The following SLC1A3 variants were observed in gnomAD, a reference collection of about 807,000 sequenced individuals.
SLC1A3 encodes the protein excitatory amino acid transporter 1.
In SLC1A3, 21 loss-of-function variants were observed where a neutral mutation model predicts 48.1. That is an observed-to-expected ratio of 0.44 (90% CI 0.31 to 0.63). The LOEUF (loss-of-function observed/expected upper bound fraction) is 0.63, where lower values mean the gene tolerates loss of function less well. SLC1A3 is among the 20% of genes least tolerant of loss of function. The probability of loss-of-function intolerance (pLI) is 0.08; values close to 1 mark genes in which losing one functional copy is unlikely to be tolerated. For synonymous variants in SLC1A3, 239 were observed against 251.4 expected (o/e 0.95, Z 0.47); for missense variants, 546 against 689.0 (o/e 0.79, Z 2.32).
intron 3 of SLC1A3, among the ~76,000 whole-genome samples, chr5:36,667,506 A>T (rs548109782): frequency 6.6e-6 from 1 of 152,324 alleles, no homozygotes; most frequent in Non-Finnish European, 1.5e-5. Flanking sequence ...TCTCTTGGAA[A>T]TGTGGGTTCA....
intron 3 of SLC1A3, among the ~76,000 whole-genome samples, chr5:36,650,202 A>T (rs753580356): frequency 6.6e-6 from 1 of 152,162 alleles, no homozygotes; most frequent in Non-Finnish European, 1.5e-5. Flanking sequence ...GTGAGGGTGG[A>T]AGTCCTCTCT....
intron 2 of SLC1A3, among the ~76,000 whole-genome samples, chr5:36,609,642 G>A (rs1043147308): frequency 6.6e-6 from 1 of 152,134 alleles, no homozygotes; most frequent in Non-Finnish European, 1.5e-5. Context: ...AAGTATAGCA[G>A]GAGAGTTTGT....
intron 2 of SLC1A3, among the ~76,000 whole-genome samples, chr5:36,616,208 A>C (rs895476315): frequency 5.3e-5 from 8 of 152,092 alleles, no homozygotes; most frequent in Admixed American, 5.2e-4. Context: ...AAAAAAGATG[A>C]GTTTTATGTC....
chr5:36,606,487 T>A (rs191108891), upstream of SLC1A3: 1 of 152,276 alleles, frequency 6.6e-6, no homozygotes, highest in African/African-American at 2.4e-5. Flanking sequence ...TTAATCAATA[T>A]TCCAGAAACC....
chr5:36,613,782 A>C (rs1285092572), intron 2 of SLC1A3, among the ~76,000 whole-genome samples: 1 of 152,248 alleles, frequency 6.6e-6, no homozygotes, highest in African/African-American at 2.4e-5. Flanking sequence ...GGAGAGGAGG[A>C]GGAGGAAGCT....
rs534089504 is a variant in SLC1A3 at position 36,645,725 on chromosome 5, C to T, written c.319+16138C>T. ...TCAGTAATTTTGGGGTTGTTTCATTCGTCTTTATTTGGACGAGGTTAAAAT... is the reference window on the plus strand; with the variant it reads ...TCAGTAATTTTGGGGTTGTTTCATTTGTCTTTATTTGGACGAGGTTAAAAT... On this transcript the variant is annotated intron_variant, in intron 3 of 9. Coordinates refer to ENST00000265113, the MANE Select transcript of SLC1A3 (RefSeq NM_004172.5). 3.3e-5 allele frequency among the ~76,000 whole-genome samples: 5 copies of T among 152,252 alleles called. No individual in the cohort carries two copies. The East Asian group carries it at 5.8e-4, about 18-fold the overall frequency.
At chr5:36,643,415 A>C (rs1740698851) in intron 3 of SLC1A3, among the ~76,000 whole-genome samples, 1 of 152,206 alleles carries the variant, frequency 6.6e-6, no homozygotes, top group South Asian at 2.1e-4. Context: ...CTGAAGGCTA[A>C]TAATGTCAAG....
At chr5:36,624,923 A>G (rs116364820) in intron 2 of SLC1A3, among the ~76,000 whole-genome samples, 1,770 of 152,308 alleles carry the variant, frequency 0.012, 44 homozygotes, top group African/African-American at 0.04. Flanking sequence ...AGGAGATCCA[A>G]GGTTATTTCT....
upstream of SLC1A3, among the ~76,000 whole-genome samples, chr5:36,602,724 G>C (rs137947809): frequency 1.7e-3 from 252 of 152,210 alleles, 1 homozygote; most frequent in African/African-American, 5.6e-3. Context: ...GAATCTATTT[G>C]GGGGGGTTCC....
chr5:36,640,781 T>A (rs1188257582), intron 3 of SLC1A3, among the ~76,000 whole-genome samples: 1 of 152,162 alleles, frequency 6.6e-6, no homozygotes, highest in African/African-American at 2.4e-5. Flanking sequence ...AACCCCTATA[T>A]ATAAAACCAC....
chr5:36,664,352 C>T (rs10223091), intron 3 of SLC1A3, among the ~76,000 whole-genome samples: 121 of 152,194 alleles, frequency 8.0e-4, no homozygotes, highest in African/African-American at 2.8e-3. Context: ...AGGCTGGTCT[C>T]GAACTCCTGA....
chr5:36,622,732 C>T (rs1304468723), intron 2 of SLC1A3, among the ~76,000 whole-genome samples: 1 of 152,070 alleles, frequency 6.6e-6, no homozygotes, highest in Non-Finnish European at 1.5e-5. Flanking sequence ...TTGTTGTTGG[C>T]CGGGCGCATT....
At chr5:36,599,100 A>G (rs1271904975) in intron 1 of SLC1A3, among the ~76,000 whole-genome samples, 1 of 152,200 alleles carries the variant, frequency 6.6e-6, no homozygotes, top group African/African-American at 2.4e-5. Flanking sequence ...TACTAACTCT[A>G]TTCAAGTGCT....
chr5:36,628,047 C>A (rs1237284219), intron 2 of SLC1A3, among the ~76,000 whole-genome samples: 1 of 152,162 alleles, frequency 6.6e-6, no homozygotes, highest in Admixed American at 6.5e-5. Context: ...GTGATACAAA[C>A]AATATGGGCA....
rs1667227605 is a variant in SLC1A3 at position 36,654,534 on chromosome 5, T to G, written c.320-16495T>G. ...ATAACACTTCTAAAGGGGCACAGAC[T>G]CCATAAGACTGTGGATGCCGATACA... On this transcript the variant is annotated intron_variant, in intron 3 of 9. Transcript: ENST00000265113. Among the ~76,000 whole-genome samples the G allele has an allele frequency of 3.9e-5, 6 of 152,152 alleles. No homozygotes were observed. The South Asian group carries it at 1.2e-3, about 32-fold the overall frequency.
intron 3 of SLC1A3, among the ~76,000 whole-genome samples, chr5:36,633,751 G>T (rs1180960194): frequency 1.3e-5 from 2 of 152,098 alleles, no homozygotes; most frequent in African/African-American, 4.8e-5. Flanking sequence ...CCATCCTAAA[G>T]TCAACTAGCC....
In SLC1A3 at chr5:36,679,757, A is replaced by G. The variant is rs559402074; in HGVS notation, c.991A>G (p.Ile331Val). Residue 331 changes from isoleucine to valine, a missense_variant, in exon 7 of 10, where the codon ATC becomes GTC. This residue lies in a region of SLC1A3 where 142 missense variants were observed against 238.0 expected (regional missense o/e 0.60). Coordinates refer to ENST00000265113, the MANE Select transcript of SLC1A3 (RefSeq NM_004172.5). Reference protein sequence around the residue: ...VIVGLLIHAVIVLPLLYFLVT... With the variant: ...VIVGLLIHAVVVLPLLYFLVT... ...TGTTGGCTTACTCATTCACGCAGTC[A>G]TCGTCTTGCCACTCCTCTACTTCTT... The G allele has an allele frequency of 1.3e-5, 21 of 1,614,200 alleles. No homozygotes were observed. The East Asian group carries it at 4.2e-4, about 33-fold the overall frequency.
Position 36,671,073 on chromosome 5 carries a change from C to T in SLC1A3, c.364C>T (p.Arg122Ter). ...TAAGGCATCAGGGAAGATGGGAATG[C>T]GAGCTGTAGTCTATTATATGACTAC... ...DSKASGKMGMRAVVYYMTTTI... is the reference protein window; with the variant it reads ...DSKASGKMGM Residue 122 changes from arginine (R) to a stop codon, truncating the protein, a stop_gained, in exon 4 of 10, where the codon CGA becomes TGA. Transcript: ENST00000265113. LOFTEE classifies it high-confidence loss of function. 3 of 1,613,948 alleles carry T rather than the reference C, an allele frequency of 1.9e-6. No homozygotes were observed. The highest frequency in any genetic ancestry group is 1.7e-6 in the Non-Finnish European group (2 of 1,179,854).
At chr5:36,629,696 CT>C in intron 3 of SLC1A3, 109 bp downstream of exon 3, 1 of 873,712 alleles carries the variant, frequency 1.1e-6, no homozygotes, top group Admixed American at 2.1e-5. Context: ...ATGCTCTGTT[CT>C]AGAAAAAAAA....
Sources: allele counts gnomAD v4.1 joint callset (sites outside exome capture counted in the v4.1 genomes callset), GRCh38; gene constraint gnomAD v4.1.1; regional missense constraint gnomAD v4.1.1; transcripts MANE v1.5; gene names NCBI Gene and HGNC (gene_info 2026-07-23, HGNC 2026-07-21).